Variants in FHIT observed in about 807,000 individuals in gnomAD.
FHIT encodes bis(5'-adenosyl)-triphosphatase.
Under a neutral mutation model 17.9 loss-of-function variants are expected in FHIT, and 19 were observed. The ratio of observed to expected loss-of-function variants is 1.06; its 90% confidence interval spans 0.74 to 1.56. The LOEUF is 1.56. Ranked by LOEUF, FHIT falls within the 40% of genes most tolerant of loss-of-function variation. The pLI, the probability that FHIT is intolerant of heterozygous loss-of-function variation, is 0.00. For synonymous variants in FHIT, 81 were observed against 69.7 expected (o/e 1.16, Z -0.81); for missense variants, 248 against 189.2 (o/e 1.31, Z -1.82).
At chr3:60,193,651 T>C (rs920117740) in intron 5 of FHIT, among the ~76,000 whole-genome samples, 3 of 152,178 alleles carry the variant, frequency 2.0e-5, no homozygotes, top group Admixed American at 1.3e-4. Flanking sequence ...AGGCACTTGC[T>C]CAAGCATTCA....
intron 3 of FHIT, among the ~76,000 whole-genome samples, chr3:60,874,682 C>A (rs927684704): frequency 6.6e-6 from 1 of 152,140 alleles, no homozygotes; most frequent in East Asian, 1.9e-4. Context: ...CCTCCTCTCC[C>A]AAGAGTTGCG....
At chr3:60,290,839 G>C (rs1014691852) in intron 5 of FHIT, among the ~76,000 whole-genome samples, 1 of 152,072 alleles carries the variant, frequency 6.6e-6, no homozygotes, top group Non-Finnish European at 1.5e-5. Context: ...GGAAGACAGA[G>C]GACTTGGGGT....
At chr3:61,065,280 C>CACACAA (rs1302125499) in intron 2 of FHIT, among the ~76,000 whole-genome samples, 1 of 105,698 alleles carries the variant, frequency 9.5e-6, no homozygotes, top group Non-Finnish European at 2.4e-5. Flanking sequence ...CACACACACA[C>CACACAA]ACACACACAC....
chr3:60,372,253 G>A (rs137979490), intron 5 of FHIT, among the ~76,000 whole-genome samples: 15 of 152,220 alleles, frequency 9.9e-5, no homozygotes, highest in South Asian at 2.1e-4. Context: ...ATGAAGAGAC[G>A]TATTCATCTT....
chr3:60,853,646 T>A (rs2106923573), intron 3 of FHIT, among the ~76,000 whole-genome samples: 1 of 152,250 alleles, frequency 6.6e-6, no homozygotes, highest in East Asian at 1.9e-4. Flanking sequence ...TGGTGTATTT[T>A]AGTGCAATTC....
At chr3:59,848,308 A>T (rs935292049) in intron 8 of FHIT, among the ~76,000 whole-genome samples, 13 of 152,312 alleles carry the variant, frequency 8.5e-5, no homozygotes, top group Non-Finnish European at 1.8e-4. Flanking sequence ...AAATAGCTAC[A>T]ACAGACAGAT....
At chr3:60,895,861 G>A (rs1343691426) in intron 3 of FHIT, among the ~76,000 whole-genome samples, 1 of 150,694 alleles carries the variant, frequency 6.6e-6, no homozygotes, top group African/African-American at 2.4e-5. Context: ...ACAACAAAAT[G>A]TTCCAGGCTT....
intron 8 of FHIT, among the ~76,000 whole-genome samples, chr3:59,878,948 T>C (rs745616920): frequency 1.3e-4 from 20 of 152,100 alleles, no homozygotes; most frequent in Non-Finnish European, 2.2e-4. Context: ...GCATTCTGAC[T>C]GTAAACCCTT....
chr3:60,911,149 A>T (rs1286234887), intron 3 of FHIT, among the ~76,000 whole-genome samples: 1 of 152,172 alleles, frequency 6.6e-6, no homozygotes, highest in Admixed American at 6.5e-5. Flanking sequence ...CATATTTGTA[A>T]CTAGTTATAA....
intron 5 of FHIT, among the ~76,000 whole-genome samples, chr3:60,219,506 T>C (rs1460640123): frequency 1.3e-5 from 2 of 152,192 alleles, no homozygotes; most frequent in Admixed American, 6.5e-5. Flanking sequence ...CTGATTAAAA[T>C]GTAAACTTAT....
At chr3:60,927,387 G>C (rs1303868016) in intron 3 of FHIT, among the ~76,000 whole-genome samples, 3 of 152,162 alleles carry the variant, frequency 2.0e-5, no homozygotes, top group Non-Finnish European at 1.5e-5. Flanking sequence ...TGAGATTGCA[G>C]CCTCTGCCCC....
intron 4 of FHIT, among the ~76,000 whole-genome samples, chr3:60,540,524 G>C (rs1359839482): frequency 6.6e-6 from 1 of 152,190 alleles, no homozygotes; most frequent in Non-Finnish European, 1.5e-5. Flanking sequence ...CTTCTGAAAT[G>C]AATCAAAGGA....
At chr3:61,025,028 C>G (rs948559802) in intron 3 of FHIT, among the ~76,000 whole-genome samples, 1 of 139,058 alleles carries the variant, frequency 7.2e-6, no homozygotes, top group African/African-American at 3.0e-5. Context: ...CACCTTCTCT[C>G]CACTCTCCAT....
At chr3:59,751,985 G>A (rs906910520) in intron 9 of FHIT, 2 of 429,006 alleles carry the variant, frequency 4.7e-6, no homozygotes, top group Non-Finnish European at 8.3e-6. Flanking sequence ...GTGGTGGTGG[G>A]CTGGGGGCAC....
intron 5 of FHIT, among the ~76,000 whole-genome samples, chr3:60,152,097 AC>A (rs1700492259): frequency 6.6e-6 from 1 of 152,164 alleles, no homozygotes; most frequent in Admixed American, 6.5e-5. Context: ...ACACAGACCA[AC>A]GTTCAGATCC....
intron 5 of FHIT, among the ~76,000 whole-genome samples, chr3:60,181,878 C>T (rs532126166): frequency 1.4e-4 from 22 of 152,252 alleles, no homozygotes; most frequent in African/African-American, 4.8e-4. Context: ...TGGAGGTACA[C>T]CCTCCTATAT....
At chr3:61,153,685 T>A (rs964113290) in intron 2 of FHIT, among the ~76,000 whole-genome samples, 1 of 152,186 alleles carries the variant, frequency 6.6e-6, no homozygotes, top group African/African-American at 2.4e-5. Flanking sequence ...ATCAGAGGCC[T>A]AAAACTTGTA....
intron 2 of FHIT, among the ~76,000 whole-genome samples, chr3:61,122,750 A>G (rs1478523623): frequency 2.0e-5 from 3 of 152,254 alleles, no homozygotes; most frequent in African/African-American, 4.8e-5. Flanking sequence ...CATATGAAAA[A>G]AAACCTCATC....
intron 8 of FHIT, among the ~76,000 whole-genome samples, chr3:59,840,054 C>T (rs1018048789): frequency 6.6e-6 from 1 of 152,136 alleles, no homozygotes; most frequent in Admixed American, 6.5e-5. Context: ...GTGGGGGCTA[C>T]AGAAAAGCCA....
Sources: allele counts gnomAD v4.1 joint callset (sites outside exome capture counted in the v4.1 genomes callset), GRCh38; gene constraint gnomAD v4.1.1; transcripts MANE v1.5; gene names NCBI Gene and HGNC (gene_info 2026-07-23, HGNC 2026-07-21).